Variants in ATP8A2 observed in about 807,000 individuals in gnomAD.
The protein encoded by ATP8A2 is phospholipid-transporting ATPase IB.
In ATP8A2, 100 loss-of-function variants were observed where a neutral mutation model predicts 165.6. The ratio of observed to expected loss-of-function variants is 0.60; its 90% CI spans 0.51 to 0.71. The LOEUF is 0.71. Among genes scored for constraint, ATP8A2 ranks in the 30% least tolerant of loss-of-function variants. The probability of loss-of-function intolerance (pLI) is 0.00; values close to 1 mark genes in which losing one functional copy is unlikely to be tolerated. For missense variants in ATP8A2, 1,227 were observed against 1,479.5 expected (o/e 0.83, Z 2.80); for synonymous variants, 543 against 548.8 (o/e 0.99, Z 0.15).
intron 25 of ATP8A2, among the ~76,000 whole-genome samples, chr13:25,755,544 G>C (rs535811206): frequency 6.6e-6 from 1 of 152,310 alleles, no homozygotes; most frequent in Non-Finnish European, 1.5e-5. Context: ...TATCTTATTT[G>C]TGTTATTCAT....
At chr13:25,764,558 G>A (rs774645673) in intron 25 of ATP8A2, among the ~76,000 whole-genome samples, 9 of 152,124 alleles carry the variant, frequency 5.9e-5, no homozygotes, top group Non-Finnish European at 8.8e-5. Flanking sequence ...GGCAGCAGCC[G>A]GGAGCTTGTT....
intron 34 of ATP8A2, among the ~76,000 whole-genome samples, chr13:25,962,407 G>A (rs1027733229): frequency 5.9e-5 from 9 of 152,170 alleles, no homozygotes; most frequent in Admixed American, 3.9e-4. Context: ...GCATTATCAT[G>A]TAGGTTAAAT....
chr13:25,384,805 G>C (rs553767873), intron 1 of ATP8A2, among the ~76,000 whole-genome samples: 2 of 151,678 alleles, frequency 1.3e-5, no homozygotes, highest in African/African-American at 2.4e-5. Flanking sequence ...TCTTTTTCTT[G>C]GTGTTCATGA....
chr13:25,435,819 A>G (rs889170840), intron 1 of ATP8A2, among the ~76,000 whole-genome samples: 4 of 152,168 alleles, frequency 2.6e-5, no homozygotes, highest in African/African-American at 9.7e-5. Context: ...CAATCATGGA[A>G]CAAGAATCTT....
At position 25,505,585 on chromosome 13, in the gene ATP8A2, G is replaced by C. The variant is rs571315321; in HGVS notation, c.222-24414G>C. The stretch of plus-strand genomic sequence containing the variant: ...TTGTTCTCAGTGTATCTGACCTAGA[G>C]ACTCTATCTCTCTAGAGATATTATA... On this transcript the variant is annotated intron_variant, in intron 2 of 36. Coordinates refer to ENST00000381655, the MANE Select transcript of ATP8A2 (RefSeq NM_016529.6). Among the ~76,000 whole-genome samples, 22 of 152,144 alleles carry C rather than the reference G, an allele frequency of 1.4e-4. 1 individual carries two copies. The South Asian group carries it at 1.7e-3, about 11-fold the overall frequency.
At chr13:25,783,444 C>T (rs544663640) in intron 27 of ATP8A2, among the ~76,000 whole-genome samples, 1 of 152,314 alleles carries the variant, frequency 6.6e-6, no homozygotes, top group South Asian at 2.1e-4. Flanking sequence ...GTCAAGAACT[C>T]TTGGGTCATG....
chr13:25,853,919 A>G (rs1202414132), intron 30 of ATP8A2, among the ~76,000 whole-genome samples: 3 of 152,214 alleles, frequency 2.0e-5, no homozygotes, highest in African/African-American at 7.2e-5. Context: ...CTCAGTTGTC[A>G]TCATTTGCAT....
rs921426179 is a variant in ATP8A2 at position 26,025,778 on chromosome 13, G to A, written c.*5793G>A. The A allele has an allele frequency of 6.6e-6, 1 of 152,376 alleles. No homozygotes were observed. Among genetic ancestry groups the A allele is most frequent in the East Asian group, 1.9e-4 (1 of 5,190 alleles). The allele number at this position is 152,376 out of a possible 1,614,324, so 9.4% of individuals were successfully genotyped here. ...AAGTTTTGGGAGAATTTAGTGATTT[G>A]TGGCTTTGATCAATCCTGTTGACTG... On this transcript the variant is annotated 3_prime_UTR_variant, in exon 37 of 37. Coordinates refer to ENST00000381655, the MANE Select transcript of ATP8A2 (RefSeq NM_016529.6).
rs79509247 is a variant in ATP8A2 at position 25,747,240 on chromosome 13, T to C, written c.2385-21806T>C. Among the ~76,000 whole-genome samples, 423 of 152,314 alleles carry C rather than the reference T, an allele frequency of 2.8e-3. 1 individual carries two copies. Among genetic ancestry groups the C allele is most frequent in the African/African-American group, 9.6e-3 (398 of 41,578 alleles). ...TTATTCAGTAGCAATAATAGAGGAT[T>C]CGTGCCTGTTAGAGCCATAGCGCTT... On this transcript the variant is annotated intron_variant, in intron 25 of 36. Transcript: ENST00000381655.
At chr13:25,941,130 C>T (rs1044713885) in intron 33 of ATP8A2, among the ~76,000 whole-genome samples, 2 of 152,142 alleles carry the variant, frequency 1.3e-5, no homozygotes, top group African/African-American at 2.4e-5. Context: ...GCCTCAGAGC[C>T]GCTAGTTCCA....
At chr13:25,513,549 C>G (rs548336367) in intron 2 of ATP8A2, among the ~76,000 whole-genome samples, 1 of 151,964 alleles carries the variant, frequency 6.6e-6, no homozygotes, top group Non-Finnish European at 1.5e-5. Context: ...ACTTCCCAGA[C>G]GGGGTGGCGG....
At chr13:25,607,212 C>T (rs1379964388) in intron 24 of ATP8A2, among the ~76,000 whole-genome samples, 1 of 152,162 alleles carries the variant, frequency 6.6e-6, no homozygotes, top group African/African-American at 2.4e-5. Context: ...AATTATCTTC[C>T]ACAAAACGGG....
At chr13:25,994,162 A>G (rs963671990) in intron 35 of ATP8A2, among the ~76,000 whole-genome samples, 1 of 152,162 alleles carries the variant, frequency 6.6e-6, no homozygotes, top group Non-Finnish European at 1.5e-5. Context: ...TAGAAATACA[A>G]CTGATTTTTG....
At chr13:25,821,392 C>G (rs896192275) in intron 27 of ATP8A2, among the ~76,000 whole-genome samples, 1 of 152,166 alleles carries the variant, frequency 6.6e-6, no homozygotes, top group Non-Finnish European at 1.5e-5. Context: ...ACCGAATTCA[C>G]TCAGTCTTTG....
chr13:25,842,738 A>AGAAG (rs907836398), intron 30 of ATP8A2, among the ~76,000 whole-genome samples: 24 of 151,470 alleles, frequency 1.6e-4, no homozygotes, highest in African/African-American at 4.6e-4. Context: ...AGGGAAAGGA[A>AGAAG]GAAGGAAGGA....
At chr13:25,808,743 G>T (rs1950797353) in intron 27 of ATP8A2, among the ~76,000 whole-genome samples, 1 of 151,852 alleles carries the variant, frequency 6.6e-6, no homozygotes, top group South Asian at 2.1e-4. Flanking sequence ...CCCCCACAAA[G>T]ACTTTTTATA....
At chr13:25,801,338 T>G (rs1950617793) in intron 27 of ATP8A2, among the ~76,000 whole-genome samples, 3 of 152,144 alleles carry the variant, frequency 2.0e-5, no homozygotes, top group African/African-American at 7.2e-5. Context: ...TGAGGAAAAT[T>G]CCCCATGTTT....
intron 20 of ATP8A2, among the ~76,000 whole-genome samples, chr13:25,578,421 G>A (rs763315112): frequency 7.9e-5 from 12 of 152,140 alleles, no homozygotes; most frequent in Non-Finnish European, 1.6e-4. Flanking sequence ...AGCTCCTCCC[G>A]TATTGGGAGG....
chr13:25,663,309 T>G (rs983255239), intron 24 of ATP8A2, among the ~76,000 whole-genome samples: 8 of 152,240 alleles, frequency 5.3e-5, no homozygotes, highest in African/African-American at 1.9e-4. Context: ...ATTTTCTTTC[T>G]TATAAGTTAT....
Sources: allele counts gnomAD v4.1 joint callset (sites outside exome capture counted in the v4.1 genomes callset), GRCh38; gene constraint gnomAD v4.1.1; transcripts MANE v1.5; gene names NCBI Gene and HGNC (gene_info 2026-07-23, HGNC 2026-07-21).